The following TXK variants were observed in gnomAD, a reference collection of about 807,000 sequenced individuals.
TXK encodes the protein tyrosine-protein kinase TXK.
In TXK, 60 loss-of-function variants were observed where a neutral mutation model predicts 81.0. That is an observed-to-expected ratio of 0.74 (90% CI 0.60 to 0.92). The LOEUF is 0.92. Ranked by LOEUF, TXK falls within the 40% of genes least tolerant of loss-of-function variation. The pLI, the probability that TXK is intolerant of heterozygous loss-of-function variation, is 0.00. For missense variants in TXK, 581 were observed against 638.3 expected, an observed-to-expected ratio of 0.91 and a Z score of 0.97; for synonymous variants, 203 against 210.7, an observed-to-expected ratio of 0.96 and a Z score of 0.32.
At chr4:48,130,335 T>G (rs923380276) in intron 1 of TXK, among the ~76,000 whole-genome samples, 3 of 152,160 alleles carry the variant, frequency 2.0e-5, no homozygotes, top group African/African-American at 7.2e-5. Context: ...AGTGCTTGTG[T>G]CTCCAGATCT....
intron 9 of TXK, 89 bp downstream of exon 9, chr4:48,089,661 G>A (rs979558990): frequency 1.8e-6 from 2 of 1,106,462 alleles, no homozygotes; most frequent in African/African-American, 3.1e-5. Flanking sequence ...CAAAGTGCTA[G>A]GATTACAGCT....
At position 48,134,176 on chromosome 4, in the gene TXK, C is replaced by T; in HGVS notation, c.-6G>A. 6.2e-7 allele frequency: 1 copy of T among 1,613,308 alleles called. No individual in the cohort carries two copies. The highest frequency in any genetic ancestry group is 8.5e-7 in the Non-Finnish European group (1 of 1,179,684). ...TCACAGGAGGAAAGGATCATGGTAG[C>T]CCCTTCTGCGGGGAGCACACAACAG... is the stretch of plus-strand genomic sequence containing the variant. On this transcript the variant is annotated 5_prime_UTR_variant, in exon 1 of 15. Coordinates refer to ENST00000264316, the MANE Select transcript of TXK (RefSeq NM_003328.3).
chr4:48,114,756 G>A (rs112832080), intron 1 of TXK, among the ~76,000 whole-genome samples: 1 of 152,284 alleles, frequency 6.6e-6, no homozygotes, highest in African/African-American at 2.4e-5. Flanking sequence ...TAGGAAATCT[G>A]TTAGCAGGGA....
At chr4:48,091,923 A>G (rs1717791640) in intron 8 of TXK, among the ~76,000 whole-genome samples, 1 of 152,230 alleles carries the variant, frequency 6.6e-6, no homozygotes, top group Admixed American at 6.5e-5. Context: ...AGCAATGATC[A>G]GGGCAGCACT....
At chr4:48,093,967 A>C (rs1021309191) in intron 8 of TXK, 110 bp downstream of exon 8, 273 of 1,395,416 alleles carry the variant, frequency 2.0e-4, no homozygotes, top group Non-Finnish European at 2.4e-4. Context: ...TCAAGCTTTT[A>C]AACTATTTCT....
chr4:48,113,652 T>C (rs1442743899), intron 2 of TXK, among the ~76,000 whole-genome samples: 1 of 152,220 alleles, frequency 6.6e-6, no homozygotes, highest in African/African-American at 2.4e-5. Flanking sequence ...TGTCATTTTA[T>C]ATGCATTACC....
At chr4:48,097,905 G>T (rs1306810720) in intron 6 of TXK, among the ~76,000 whole-genome samples, 1 of 150,432 alleles carries the variant, frequency 6.6e-6, no homozygotes, top group Non-Finnish European at 1.5e-5. Flanking sequence ...CCGTCACCAC[G>T]CCCAGCTAAT....
chr4:48,090,999 G>C (rs1027222446), intron 8 of TXK, among the ~76,000 whole-genome samples: 2 of 152,240 alleles, frequency 1.3e-5, no homozygotes, highest in Non-Finnish European at 2.9e-5. Context: ...CACTCTTCTA[G>C]GTAGATTCCC....
chr4:48,123,683 A>G (rs1719013763), intron 1 of TXK, among the ~76,000 whole-genome samples: 1 of 152,214 alleles, frequency 6.6e-6, no homozygotes, highest in African/African-American at 2.4e-5. Context: ...CTCCTTACCA[A>G]CAAAGGGCTA....
intron 6 of TXK, 82 bp from the exon 7 acceptor site, chr4:48,095,304 A>G (rs1225890463): frequency 4.9e-6 from 5 of 1,029,856 alleles, no homozygotes; most frequent in Admixed American, 2.3e-5. Flanking sequence ...AATCAAAGCT[A>G]TATTGACTTA....
intron 6 of TXK, among the ~76,000 whole-genome samples, chr4:48,099,213 AG>A (rs1718094415): frequency 6.6e-6 from 1 of 152,338 alleles, no homozygotes; most frequent in Non-Finnish European, 1.5e-5. Flanking sequence ...AGAAATAAAA[AG>A]CTTCATAAGT....
At chr4:48,094,303 T>TA (rs1717896223) in intron 7 of TXK, 99 bp from the exon 8 acceptor site, 9 of 1,331,044 alleles carry the variant, frequency 6.8e-6, no homozygotes, top group African/African-American at 1.5e-5. Context: ...AAACTCATCC[T>TA]AGCAACACTA....
intron 10 of TXK, among the ~76,000 whole-genome samples, chr4:48,081,860 C>T (rs371631401): frequency 2.0e-5 from 3 of 152,176 alleles, no homozygotes; most frequent in African/African-American, 4.8e-5. Context: ...GTAAATGGTG[C>T]CATCCTTCGC....
chr4:48,094,206 T>C lies in TXK; in HGVS notation c.582-2A>G, dbSNP rs745968122. The C allele has an allele frequency of 8.7e-6, 14 of 1,612,854 alleles. No individual in the cohort carries two copies. Among genetic ancestry groups the C allele is most frequent in the Non-Finnish European group, 1.2e-5 (14 of 1,179,890 alleles). On this transcript the variant is annotated splice_acceptor_variant, in intron 7 of 14. Transcript: ENST00000264316. LOFTEE classifies it high-confidence loss of function. ...TGTTTTATGGCAGCCTCCGTACTTC[T>C]ACAATCAAGAAAATGTGAATTACTA...
intron 5 of TXK, among the ~76,000 whole-genome samples, chr4:48,108,613 A>G (rs972181375): frequency 6.6e-6 from 1 of 152,250 alleles, no homozygotes; most frequent in Non-Finnish European, 1.5e-5. Context: ...GTGATCAATA[A>G]TGATAGCTAT....
intron 11 of TXK, among the ~76,000 whole-genome samples, chr4:48,076,778 A>C (rs2109403521): frequency 6.6e-6 from 1 of 152,210 alleles, no homozygotes; most frequent in Admixed American, 6.5e-5. Flanking sequence ...ACAGGCACAC[A>C]TCACCACACC....
At chr4:48,100,997 T>C (rs1718169337) in intron 6 of TXK, among the ~76,000 whole-genome samples, 1 of 152,044 alleles carries the variant, frequency 6.6e-6, no homozygotes, top group African/African-American at 2.4e-5. Context: ...TTGAACTTAC[T>C]TGTGTATGTA....
intron 1 of TXK, among the ~76,000 whole-genome samples, chr4:48,130,405 A>T (rs1294357001): frequency 6.6e-6 from 1 of 152,148 alleles, no homozygotes; most frequent in Non-Finnish European, 1.5e-5. Context: ...TTCTAAGCGA[A>T]TTCCAAGCAG....
intron 1 of TXK, among the ~76,000 whole-genome samples, chr4:48,114,752 A>ATCTG (rs1718747612): frequency 2.0e-5 from 3 of 152,220 alleles, no homozygotes; most frequent in Admixed American, 2.0e-4. Context: ...CTCCTAGGAA[A>ATCTG]TCTGTTAGCA....
Sources: gnomAD v4.1 joint callset for allele counts (sites outside exome capture counted in the v4.1 genomes callset) on GRCh38, gnomAD v4.1.1 for gene constraint, MANE v1.5 for transcripts, NCBI Gene and HGNC (gene_info 2026-07-23, HGNC 2026-07-21) for gene names.